The following HGF variants were observed in gnomAD, a reference collection of about 807,000 sequenced individuals.
HGF encodes the protein fibroblast-derived tumor cytotoxic factor.
Under a neutral mutation model 111.6 loss-of-function variants are expected in HGF, and 39 were observed. That is an observed-to-expected ratio of 0.35 (90% confidence interval 0.27 to 0.46). The LOEUF is 0.46. HGF is among the 20% of genes least tolerant of loss of function. The pLI is 1.00. For synonymous variants in HGF, 285 were observed against 294.8 expected, an observed-to-expected ratio of 0.97 and a Z score of 0.34; for missense variants, 735 against 910.5, an observed-to-expected ratio of 0.81 and a Z score of 2.48.
chr7:81,733,167 A>C (rs887728394), intron 7 of HGF, among the ~76,000 whole-genome samples: 1 of 152,030 alleles, frequency 6.6e-6, no homozygotes, highest in Non-Finnish European at 1.5e-5. Flanking sequence ...AGTATGTAAA[A>C]TCATTAAATA....
chr7:81,711,668 G>C, intron 11 of HGF, 149 bp from the exon 12 acceptor site: 1 of 492,856 alleles, frequency 2.0e-6, no homozygotes, highest in Non-Finnish European at 3.7e-6. Flanking sequence ...TTTTGAGACA[G>C]AGTCTCATTC....
At chr7:81,733,321 CAAAT>C (rs1787725316) in intron 7 of HGF, among the ~76,000 whole-genome samples, 1 of 150,810 alleles carries the variant, frequency 6.6e-6, no homozygotes, top group African/African-American at 2.4e-5. Context: ...AATATTTTAC[CAAAT>C]AAATATAACT....
rs1303795573 is a variant in HGF at position 81,710,184 on chromosome 7, G to A, written c.1504C>T (p.Arg502Ter). Residue 502 changes from arginine to a stop codon, truncating the protein, a stop_gained, in exon 13 of 18, where the codon CGA becomes TGA. Transcript: ENST00000222390. LOFTEE classifies it high-confidence loss of function. ...QLRVVNGIPT[R>*]TNIGWMVSLR... is the part of the protein sequence containing the mutation. Reference sequence around the variant, plus strand: ...CTAACCATCCATCCTATGTTTGTTCGTGTTGGAATCCCATTTACAACTCGC... The same window carrying A: ...CTAACCATCCATCCTATGTTTGTTCATGTTGGAATCCCATTTACAACTCGC... 1 of 1,612,900 alleles carries A rather than the reference G, an allele frequency of 6.2e-7. No homozygotes were observed. The highest frequency in any genetic ancestry group is 8.5e-7 in the Non-Finnish European group (1 of 1,179,000).
intron 11 of HGF, among the ~76,000 whole-genome samples, chr7:81,712,734 A>G (rs1425823437): frequency 6.6e-6 from 1 of 152,224 alleles, no homozygotes; most frequent in African/African-American, 2.4e-5. Context: ...ATCCCTGGAA[A>G]TGCCCTGAGC....
intron 1 of HGF, among the ~76,000 whole-genome samples, chr7:81,767,398 C>T (rs1275192785): frequency 7.2e-5 from 11 of 152,098 alleles, no homozygotes; most frequent in Non-Finnish European, 1.2e-4. Context: ...GTCTTTGAAC[C>T]GGCTAAATGA....
In HGF at chr7:81,739,572, C is replaced by T. The variant is rs1380305833; in HGVS notation, c.865+3781G>A. 3.9e-5 allele frequency among the ~76,000 whole-genome samples: 6 copies of T among 151,946 alleles called. No homozygotes were observed. In the South Asian group the frequency reaches 1.2e-3, roughly 32 times the overall value. The stretch of plus-strand genomic sequence containing the variant: ...TTAGTGTCCCCAGGGTTTTTAAACC[C>T]CAGGGCAATGAGCTACAGTAAAATT... On this transcript the variant is annotated intron_variant, in intron 7 of 17. Coordinates refer to ENST00000222390, the MANE Select transcript of HGF (RefSeq NM_000601.6).
intron 7 of HGF, among the ~76,000 whole-genome samples, chr7:81,732,082 T>TC (rs1352595741): frequency 6.6e-6 from 1 of 152,190 alleles, no homozygotes; most frequent in Non-Finnish European, 1.5e-5. Context: ...CAAGCACTAC[T>TC]CTTATGCTGT....
intron 6 of HGF, among the ~76,000 whole-genome samples, chr7:81,744,771 T>A (rs1267688961): frequency 6.6e-6 from 1 of 152,192 alleles, no homozygotes; most frequent in African/African-American, 2.4e-5. Flanking sequence ...ATGTAGTCAG[T>A]GTTCTCATGT....
At chr7:81,753,757 T>C (rs530238154) in intron 4 of HGF, among the ~76,000 whole-genome samples, 1 of 152,110 alleles carries the variant, frequency 6.6e-6, no homozygotes, top group African/African-American at 2.4e-5. Flanking sequence ...TAAGTAGTAA[T>C]AGTTAATATC....
intron 5 of HGF, among the ~76,000 whole-genome samples, chr7:81,745,639 C>T (rs1788208873): frequency 6.6e-6 from 1 of 152,154 alleles, no homozygotes; most frequent in Admixed American, 6.5e-5. Flanking sequence ...AAATCTGGTG[C>T]AATTCAAAGA....
At chr7:81,749,246 A>C (rs1374035376) in intron 5 of HGF, among the ~76,000 whole-genome samples, 1 of 152,132 alleles carries the variant, frequency 6.6e-6, no homozygotes, top group Non-Finnish European at 1.5e-5. Context: ...ATTTTTTAAA[A>C]TAATGATTAT....
intron 14 of HGF, 41 bp downstream of exon 14, chr7:81,707,249 T>C (rs750290140): frequency 2.6e-6 from 3 of 1,151,002 alleles, no homozygotes; most frequent in Admixed American, 3.4e-5. Flanking sequence ...ACATACACAT[T>C]TTAAAGGCTC....
At chr7:81,718,002 G>T (rs1789758780) in intron 10 of HGF, among the ~76,000 whole-genome samples, 1 of 151,904 alleles carries the variant, frequency 6.6e-6, no homozygotes, top group African/African-American at 2.4e-5. Flanking sequence ...ATTTTATAAG[G>T]CCATTTTCAT....
intron 7 of HGF, among the ~76,000 whole-genome samples, chr7:81,731,640 A>G (rs1787660007): frequency 1.3e-5 from 2 of 152,186 alleles, no homozygotes; most frequent in South Asian, 4.1e-4. Context: ...AAATGCCATT[A>G]AGTTACTCTA....
chr7:81,711,553 TC>T, intron 11 of HGF, 34 bp from the exon 12 acceptor site: 2 of 925,850 alleles, frequency 2.2e-6, no homozygotes, highest in Non-Finnish European at 3.5e-6. Context: ...AATACACAAT[TC>T]ATATATGCAT....
intron 4 of HGF, among the ~76,000 whole-genome samples, chr7:81,753,268 A>G (rs1788592395): frequency 6.6e-6 from 1 of 152,068 alleles, no homozygotes; most frequent in African/African-American, 2.4e-5. Context: ...TAGATATTGC[A>G]TTTGTCTGCC....
At chr7:81,745,241 T>A in intron 5 of HGF, 121 bp from the exon 6 acceptor site, 1 of 990,684 alleles carries the variant, frequency 1.0e-6, no homozygotes, top group South Asian at 1.3e-5. Flanking sequence ...CTACACATCA[T>A]TCTAACTTTT....
chr7:81,701,414 T>C lies in HGF; in HGVS notation c.*1167A>G, dbSNP rs578009350. 1.1e-4 allele frequency: 16 copies of C among 151,580 alleles called. No individual in the cohort carries two copies. Among genetic ancestry groups the C allele is most frequent in the Non-Finnish European group, 1.5e-4 (10 of 67,646 alleles). The allele number at this position is 151,580 out of a possible 1,614,324, so 9.4% of individuals were successfully genotyped here. On this transcript the variant is annotated 3_prime_UTR_variant, in exon 18 of 18. Coordinates refer to ENST00000222390, the MANE Select transcript of HGF (RefSeq NM_000601.6). ...AAAGTATTTTTATTTTTTTCTCCAATATATACTTTAATGCATGACTTGATG... is the reference window on the plus strand; with the variant it reads ...AAAGTATTTTTATTTTTTTCTCCAACATATACTTTAATGCATGACTTGATG...
rs907827115 is a variant in HGF at position 81,736,632 on chromosome 7, TAAGG to T, written c.865+6717_865+6720del. The T allele has an allele frequency of 4.4e-5, 19 of 434,408 alleles. No individual in the cohort carries two copies. The Admixed American group carries it at 4.7e-4, about 11-fold the overall frequency. 26.9% of individuals were successfully genotyped at this position (434,408 alleles called of 1,614,324 possible). A position where few individuals can be genotyped will look rare whatever the true frequency, so the allele number is the denominator to read the frequency against. ...TGTGAATGAGTAGCTGCCAACTAGG[TAAGG>T]AAGAAAGTAAAATTTTTTGAAAGCA... On this transcript the variant is annotated intron_variant, in intron 7 of 17. Transcript: ENST00000222390.
Sources: allele counts gnomAD v4.1 joint callset (sites outside exome capture counted in the v4.1 genomes callset), GRCh38; gene constraint gnomAD v4.1.1; transcripts MANE v1.5; gene names NCBI Gene and HGNC (gene_info 2026-07-23, HGNC 2026-07-21).